The following WDR72 variants were observed in gnomAD, a reference collection of about 807,000 sequenced individuals.
WDR72 encodes the protein WD repeat domain 72, also known as WD repeat-containing protein 72.
A neutral mutation model predicts 124.2 loss-of-function variants in WDR72; 120 were observed. The ratio of observed to expected loss-of-function variants is 0.97; its 90% confidence interval spans 0.83 to 1.12. The LOEUF (loss-of-function observed/expected upper bound fraction) is 1.12. WDR72 is among the 50% of genes most tolerant of loss of function. The pLI is 0.00. For synonymous variants in WDR72, 452 were observed against 441.7 expected (o/e 1.02, Z -0.29); for missense variants, 1,387 against 1,278.8 (o/e 1.08, Z -1.29).
chr15:53,577,099 C>G (rs1161410865), intron 18 of WDR72, among the ~76,000 whole-genome samples: 1 of 152,116 alleles, frequency 6.6e-6, no homozygotes, highest in Non-Finnish European at 1.5e-5. Context: ...TGTTAGGACA[C>G]AGCCAGGCTG....
intron 17 of WDR72, among the ~76,000 whole-genome samples, chr15:53,608,762 A>AAATAAATAAATAAATC (rs2140357084): frequency 6.8e-6 from 1 of 147,722 alleles, no homozygotes; most frequent in Non-Finnish European, 1.5e-5. Context: ...TCTCAAAAAT[A>AAATAAATAAATAAATC]AATAAATAAA....
intron 13 of WDR72, among the ~76,000 whole-genome samples, chr15:53,698,562 AC>A (rs1458588169): frequency 5.3e-5 from 8 of 152,200 alleles, no homozygotes; most frequent in Non-Finnish European, 1.0e-4. Context: ...GAGGAGATTG[AC>A]AAGCAAAGAA....
At chr15:53,545,285 A>C (rs1321596045) in intron 18 of WDR72, among the ~76,000 whole-genome samples, 2 of 151,596 alleles carry the variant, frequency 1.3e-5, no homozygotes, top group Non-Finnish European at 1.5e-5. Context: ...ACAGTAACCA[A>C]AACAGCATGG....
intron 17 of WDR72, among the ~76,000 whole-genome samples, chr15:53,601,879 C>T (rs541386561): frequency 1.1e-4 from 16 of 152,188 alleles, no homozygotes; most frequent in South Asian, 4.1e-4. Flanking sequence ...ACTTAGATCC[C>T]CACACAACAA....
intron 19 of WDR72, among the ~76,000 whole-genome samples, chr15:53,518,690 A>G (rs78564204): frequency 0.014 from 2,181 of 151,660 alleles, 30 homozygotes; most frequent in East Asian, 0.071. Context: ...GCCATCTCCA[A>G]CACTCCAGTC....
At chr15:53,642,945 C>T (rs2014907664) in intron 14 of WDR72, among the ~76,000 whole-genome samples, 1 of 152,028 alleles carries the variant, frequency 6.6e-6, no homozygotes, top group Non-Finnish European at 1.5e-5. Context: ...CCTTAAAATA[C>T]ATATTTCCAT....
intron 1 of WDR72, among the ~76,000 whole-genome samples, chr15:53,742,496 G>T (rs1350622091): frequency 6.6e-6 from 1 of 152,110 alleles, no homozygotes; most frequent in Admixed American, 6.5e-5. Flanking sequence ...GTACCTGAAT[G>T]ATATTTTGGG....
In WDR72 at chr15:53,709,553, T is replaced by TG. The variant is rs553519735; in HGVS notation, c.954+1303dup. Among the ~76,000 whole-genome samples, 108 of 152,340 alleles carry TG rather than the reference T, an allele frequency of 7.1e-4. 2 individuals carry two copies. The South Asian group carries it at 0.021, about 30-fold the overall frequency. On this transcript the variant is annotated intron_variant, in intron 9 of 19. Coordinates refer to ENST00000360509, the MANE Select transcript of WDR72 (RefSeq NM_182758.4). ...CTGATCATTGGCTTTCAGGGCAAAC[T>TG]GTGCTTTGTAAAAATGCATTCAAAG...
rs182196714 is a variant in WDR72 at position 53,736,293 on chromosome 15, G to A, written c.-12-3132C>T. 2.0e-5 allele frequency among the ~76,000 whole-genome samples: 3 copies of A among 152,332 alleles called. No homozygotes were observed. In the East Asian group the frequency reaches 5.8e-4, roughly 29 times the overall value. On this transcript the variant is annotated intron_variant, in intron 1 of 19. Coordinates refer to ENST00000360509, the MANE Select transcript of WDR72 (RefSeq NM_182758.4). The stretch of plus-strand genomic sequence containing the variant: ...AGGAGGGCATCAGGATAGGAAGACA[G>A]TGGAGTCAGAGGCCAGGGATGGTGA...
chr15:53,569,148 A>C (rs1894409858), intron 18 of WDR72, among the ~76,000 whole-genome samples: 1 of 151,922 alleles, frequency 6.6e-6, no homozygotes, highest in Non-Finnish European at 1.5e-5. Context: ...CTTTCTCTGA[A>C]GACCAGTCTT....
intron 11 of WDR72, among the ~76,000 whole-genome samples, chr15:53,703,264 G>T (rs996233516): frequency 6.6e-6 from 1 of 152,032 alleles, no homozygotes; most frequent in Non-Finnish European, 1.5e-5. Context: ...GAAAATAAAA[G>T]TTTCAGGAAA....
chr15:53,553,801 ATTAGT>A (rs1464060226), intron 18 of WDR72, among the ~76,000 whole-genome samples: 1 of 152,196 alleles, frequency 6.6e-6, no homozygotes, highest in African/African-American at 2.4e-5. Flanking sequence ...TGACATAGTA[ATTAGT>A]TTAAATGTTT....
At chr15:53,716,513 A>G in intron 4 of WDR72, 94 bp downstream of exon 4, 1 of 875,908 alleles carries the variant, frequency 1.1e-6, no homozygotes. Flanking sequence ...AGCAAAGAAT[A>G]TTCTCCAAAG....
At chr15:53,624,214 A>G (rs577592676) in intron 14 of WDR72, among the ~76,000 whole-genome samples, 2 of 152,340 alleles carry the variant, frequency 1.3e-5, no homozygotes, top group African/African-American at 4.8e-5. Flanking sequence ...GTAGAGAATG[A>G]GCTACACAGA....
At position 53,732,997 on chromosome 15, in the gene WDR72, C is replaced by G; in HGVS notation, c.153G>C (p.Lys51Asn). ...LCLWNLSHEL[K>N]ISAKELLFGH... ...TTCAATATCAGTAGCTTTCACTAAC[C>G]TTTAGTTCATGTGAGAGATTCCAGA... The change falls in exon 2 of 20, where the codon AAG becomes AAC. Residue 51 changes from lysine (K) to asparagine (N), a missense_variant and splice_region_variant. Transcript: ENST00000360509. 1 of 1,613,932 alleles carries G rather than the reference C, an allele frequency of 6.2e-7. No individual in the cohort carries two copies. Among genetic ancestry groups the G allele is most frequent in the Non-Finnish European group, 8.5e-7 (1 of 1,179,912 alleles).
At chr15:53,563,318 T>C (rs1250168606) in intron 18 of WDR72, among the ~76,000 whole-genome samples, 1 of 151,824 alleles carries the variant, frequency 6.6e-6, no homozygotes, top group Non-Finnish European at 1.5e-5. Flanking sequence ...ATTTTAAGTC[T>C]CTCTACCTGG....
At chr15:53,705,628 A>C (rs2017330512) in intron 10 of WDR72, among the ~76,000 whole-genome samples, 2 of 151,912 alleles carry the variant, frequency 1.3e-5, no homozygotes, top group Non-Finnish European at 2.9e-5. Context: ...ATGCCTGGCT[A>C]ATTTTTTGTA....
chr15:53,673,463 A>C (rs1208169647), intron 13 of WDR72, among the ~76,000 whole-genome samples: 1 of 152,198 alleles, frequency 6.6e-6, no homozygotes, highest in Admixed American at 6.5e-5. Context: ...AATTATACAT[A>C]AATACATTTG....
intron 14 of WDR72, among the ~76,000 whole-genome samples, chr15:53,635,600 A>C (rs2014592788): frequency 6.6e-6 from 1 of 152,148 alleles, no homozygotes; most frequent in Admixed American, 6.5e-5. Context: ...CAGAAAACCA[A>C]ATACCACATG....
Sources: allele counts gnomAD v4.1 joint callset (sites outside exome capture counted in the v4.1 genomes callset), GRCh38; gene constraint gnomAD v4.1.1; transcripts MANE v1.5; gene names NCBI Gene and HGNC (gene_info 2026-07-23, HGNC 2026-07-21).